The following ATF7 variants were observed in gnomAD, a reference collection of about 807,000 sequenced individuals.
ATF7 encodes the protein cyclic AMP-dependent transcription factor ATF-7.
In ATF7, 10 loss-of-function variants were observed where a neutral mutation model predicts 50.4. The ratio of observed to expected loss-of-function variants is 0.20; its 90% confidence interval spans 0.12 to 0.34. The LOEUF (loss-of-function observed/expected upper bound fraction) is 0.34. Among genes scored for constraint, ATF7 ranks in the 10% least tolerant of loss-of-function variants. ATF7 has a pLI of 1.00. For missense variants in ATF7, 465 were observed against 613.9 expected (o/e 0.76, Z 2.56); for synonymous variants, 201 against 226.4 (o/e 0.89, Z 1.01).
At chr12:53,531,936 G>C (rs377472775) in intron 8 of ATF7, 40 bp from the exon 9 acceptor site, 1 of 1,607,090 alleles carries the variant, frequency 6.2e-7, no homozygotes, top group Non-Finnish European at 8.5e-7. Flanking sequence ...TTAAGGATCA[G>C]ATTCTATCAA....
At chr12:53,550,134 C>T (rs1036441350) in intron 3 of ATF7, among the ~76,000 whole-genome samples, 1 of 151,848 alleles carries the variant, frequency 6.6e-6, no homozygotes, top group African/African-American at 2.4e-5. Context: ...ACCAGCCTGG[C>T]CAACATGGTG....
intron 1 of ATF7, among the ~76,000 whole-genome samples, chr12:53,603,940 A>G (rs1027541813): frequency 3.3e-5 from 5 of 152,182 alleles, no homozygotes; most frequent in African/African-American, 1.2e-4. Context: ...ATAAAGGGAA[A>G]TCTTGAAAAA....
intron 11 of ATF7, among the ~76,000 whole-genome samples, chr12:53,520,371 G>A (rs534687857): frequency 6.6e-6 from 1 of 152,234 alleles, no homozygotes; most frequent in Non-Finnish European, 1.5e-5. Flanking sequence ...AAGTCCTGGA[G>A]TCTGAGACCA....
In ATF7 at chr12:53,550,465, T is replaced by A. The variant is rs56952681; in HGVS notation, c.145+2076A>T. Among the ~76,000 whole-genome samples, 1,041 of 152,070 alleles carry A rather than the reference T, an allele frequency of 6.8e-3. 12 individuals are homozygous for A. Among genetic ancestry groups the A allele is most frequent in the African/African-American group, 0.024 (1,002 of 41,528 alleles). ...AAGACTGGCTTTTCAATAGTATGTA[T>A]GCAACATGGATTAGAATGAGAGACT... On this transcript the variant is annotated intron_variant, in intron 3 of 11. Transcript: ENST00000420353.
At chr12:53,531,663 C>T in intron 9 of ATF7, 81 bp downstream of exon 9, 1 of 1,410,906 alleles carries the variant, frequency 7.1e-7, no homozygotes, top group Non-Finnish European at 9.4e-7. Flanking sequence ...CCATTCTTCT[C>T]TAATTTTCTG....
At chr12:53,536,748 C>T (rs776527588) in intron 5 of ATF7, among the ~76,000 whole-genome samples, 44 of 151,898 alleles carry the variant, frequency 2.9e-4, no homozygotes, top group Non-Finnish European at 5.4e-4. Context: ...ATTAGCCGGG[C>T]GTGGTGGCAC....
intron 10 of ATF7, among the ~76,000 whole-genome samples, chr12:53,523,655 C>T (rs939152526): frequency 3.3e-5 from 5 of 152,190 alleles, no homozygotes; most frequent in Non-Finnish European, 7.3e-5. Flanking sequence ...ATTAGTAATA[C>T]ACATGCTCTT....
intron 5 of ATF7, among the ~76,000 whole-genome samples, chr12:53,536,131 G>C (rs1169871367): frequency 6.6e-6 from 1 of 152,102 alleles, no homozygotes; most frequent in Non-Finnish European, 1.5e-5. Flanking sequence ...TCCTTCACAG[G>C]AGGTAAATGC....
chr12:53,569,846 C>T (rs965990552), intron 2 of ATF7, among the ~76,000 whole-genome samples: 1 of 151,976 alleles, frequency 6.6e-6, no homozygotes, highest in Non-Finnish European at 1.5e-5. Flanking sequence ...GCCCGGCTAA[C>T]TTTTGTATTT....
chr12:53,582,836 G>A (rs571518977), intron 2 of ATF7, among the ~76,000 whole-genome samples: 4 of 152,074 alleles, frequency 2.6e-5, no homozygotes, highest in South Asian at 4.2e-4. Context: ...CGCCCACCTC[G>A]GCCTCCCAAA....
chr12:53,594,416 G>A (rs184266965), intron 2 of ATF7, among the ~76,000 whole-genome samples: 1 of 152,246 alleles, frequency 6.6e-6, no homozygotes, highest in Admixed American at 6.5e-5. Context: ...AGGGCAGACT[G>A]GAGCAAGGAT....
At chr12:53,550,789 T>C (rs764058415) in intron 3 of ATF7, among the ~76,000 whole-genome samples, 8 of 152,176 alleles carry the variant, frequency 5.3e-5, no homozygotes, top group East Asian at 1.9e-4. Flanking sequence ...AGCGTAGATA[T>C]ATGATAGCTG....
At chr12:53,555,752 C>A (rs571180282) in intron 2 of ATF7, among the ~76,000 whole-genome samples, 2 of 152,014 alleles carry the variant, frequency 1.3e-5, no homozygotes, top group African/African-American at 4.8e-5. Flanking sequence ...TCAGGTGATC[C>A]GCCTGCCTTG....
At chr12:53,582,163 A>G (rs537722912) in intron 2 of ATF7, among the ~76,000 whole-genome samples, 22 of 151,914 alleles carry the variant, frequency 1.4e-4, no homozygotes, top group Admixed American at 3.9e-4. Flanking sequence ...TACTAAATAC[A>G]AAAAGAAATA....
rs751195950 is a variant in ATF7 at position 53,524,541 on chromosome 12, A to G, written c.1125+23T>C. 6 of 1,611,466 alleles carry G rather than the reference A, an allele frequency of 3.7e-6. No individual in the cohort carries two copies. Among genetic ancestry groups the G allele is most frequent in the South Asian group, 1.1e-5 (1 of 90,590 alleles). On this transcript the variant is annotated intron_variant, in intron 10 of 11. Coordinates refer to ENST00000420353, the MANE Select transcript of ATF7 (RefSeq NM_006856.3). The surrounding 1 kb of genome is among the most constrained non-coding windows in gnomAD (Gnocchi z 4.6). ...ACTTTCTGGATTTTCAACAATTCCA[A>G]TAAGCATCCAGGACCCACTCACACT...
chr12:53,575,177 G>A (rs1941988319), intron 2 of ATF7, among the ~76,000 whole-genome samples: 1 of 152,012 alleles, frequency 6.6e-6, no homozygotes, highest in Admixed American at 6.6e-5. Flanking sequence ...GGAGGCCGAG[G>A]CAGGCGGATC....
At chr12:53,552,714 C>T (rs1940457943) in intron 2 of ATF7, 77 bp from the exon 3 acceptor site, 1 of 1,103,772 alleles carries the variant, frequency 9.1e-7, no homozygotes. Context: ...AATGTCCTAC[C>T]AAACATCTTG....
intron 3 of ATF7, among the ~76,000 whole-genome samples, chr12:53,551,049 C>T (rs961337111): frequency 6.6e-6 from 1 of 152,172 alleles, no homozygotes; most frequent in Non-Finnish European, 1.5e-5. Context: ...TTGTAGTATT[C>T]ACTTATACTT....
chr12:53,575,203 T>C (rs1158572182), intron 2 of ATF7, among the ~76,000 whole-genome samples: 1 of 150,660 alleles, frequency 6.6e-6, no homozygotes, highest in African/African-American at 2.4e-5. Flanking sequence ...AGGTTGAGAG[T>C]TCGAGACCAG....
Sources: gnomAD v4.1 joint callset for allele counts (sites outside exome capture counted in the v4.1 genomes callset) on GRCh38, gnomAD v4.1.1 for gene constraint, Gnocchi (gnomAD v3.1) non-coding constraint, MANE v1.5 for transcripts, NCBI Gene and HGNC (gene_info 2026-07-23, HGNC 2026-07-21) for gene names.